The following GALC variants were observed in gnomAD, a reference collection of about 807,000 sequenced individuals.
GALC encodes the protein galactosylceramidase, also known as galactocerebrosidase.
GALC carries 77 observed loss-of-function variants against 91.8 expected under a neutral mutation model. The observed-to-expected ratio is 0.84, with a 90% confidence interval of 0.70 to 1.01. The LOEUF (loss-of-function observed/expected upper bound fraction) is 1.01. GALC is among the 50% of genes least tolerant of loss of function. The pLI is 0.00. For synonymous variants in GALC, 357 were observed against 306.7 expected (o/e 1.16, Z -1.71); for missense variants, 882 against 855.9 (o/e 1.03, Z -0.38).
intron 5 of GALC, among the ~76,000 whole-genome samples, chr14:87,983,994 A>T (rs2139748032): frequency 6.6e-6 from 1 of 152,300 alleles, no homozygotes; most frequent in Middle Eastern, 3.4e-3. Flanking sequence ...CTTTAATAAA[A>T]AGTTTGCCAA....
At chr14:87,960,282 A>G (rs8014856) in intron 10 of GALC, among the ~76,000 whole-genome samples, 11,778 of 152,182 alleles carry the variant, frequency 0.077, 542 homozygotes, top group African/African-American at 0.1. Context: ...GGACAGGAAG[A>G]GGTCGGTCAA....
At position 87,985,741 on chromosome 14, in the gene GALC, T is replaced by C. The variant is rs144847034; in HGVS notation, c.442+748A>G. On this transcript the variant is annotated intron_variant, in intron 4 of 16. Transcript: ENST00000261304. Reference sequence around the variant, plus strand: ...TTGAATTTAAGCCTGTTTCAAAAAATCAAATTCATTTCAAATGATGAAAGT... The same window carrying C: ...TTGAATTTAAGCCTGTTTCAAAAAACCAAATTCATTTCAAATGATGAAAGT... Among the ~76,000 whole-genome samples the C allele has an allele frequency of 1.2e-3, 179 of 152,336 alleles. 1 individual carries two copies. The highest frequency in any genetic ancestry group is 4.2e-3 in the African/African-American group (173 of 41,584).
intron 6 of GALC, among the ~76,000 whole-genome samples, chr14:87,981,856 GA>G (rs1248792637): frequency 6.6e-6 from 1 of 151,798 alleles, no homozygotes; most frequent in African/African-American, 2.4e-5. Context: ...AAAAGACAAA[GA>G]AAAAAAGCTA....
intron 12 of GALC, 114 bp downstream of exon 12, chr14:87,949,731 T>C: frequency 1.5e-6 from 1 of 648,780 alleles, no homozygotes; most frequent in South Asian, 1.8e-5. Flanking sequence ...GCTAAACACA[T>C]CTATAAACAC....
chr14:87,969,280 CA>C (rs1886184286), intron 7 of GALC, among the ~76,000 whole-genome samples: 1 of 152,126 alleles, frequency 6.6e-6, no homozygotes, highest in Non-Finnish European at 1.5e-5. Flanking sequence ...CTACAATGCA[CA>C]GGACCAACCC....
At chr14:87,935,290 T>A (rs1236193520) in intron 16 of GALC, among the ~76,000 whole-genome samples, 1 of 152,034 alleles carries the variant, frequency 6.6e-6, no homozygotes, top group Non-Finnish European at 1.5e-5. Context: ...ACTGCTGGAG[T>A]CAAAACATCT....
intron 10 of GALC, chr14:87,954,146 A>G (rs1258911833): frequency 6.2e-7 from 1 of 1,605,964 alleles, no homozygotes; most frequent in African/African-American, 1.3e-5. Context: ...GTGATGTTGT[A>G]CTTCAAGACC....
intron 10 of GALC, among the ~76,000 whole-genome samples, chr14:87,955,467 C>A (rs1885494346): frequency 6.6e-6 from 1 of 151,934 alleles, no homozygotes; most frequent in African/African-American, 2.4e-5. Flanking sequence ...AAAGGTTTGC[C>A]CATTTGTTCA....
chr14:87,981,489 C>A, intron 6 of GALC: 1 of 187,688 alleles, frequency 5.3e-6, no homozygotes, highest in Non-Finnish European at 1.1e-5. Flanking sequence ...TTTTTGAAAA[C>A]TTGAAATAAA....
intron 13 of GALC, among the ~76,000 whole-genome samples, chr14:87,946,803 G>A (rs1885091253): frequency 1.3e-5 from 2 of 151,870 alleles, no homozygotes; most frequent in South Asian, 2.1e-4. Context: ...AAACCACCAA[G>A]CTCCCCCTGA....
At position 87,992,962 on chromosome 14, in the gene GALC, C is replaced by T. The variant is rs760606529; in HGVS notation, c.195+8G>A. ...GCCCCCCGCGTATCCCCGCAGCTTGCCGCTCACCCCGCCGCCGCTGACCGC... is the reference window on the plus strand; with the variant it reads ...GCCCCCCGCGTATCCCCGCAGCTTGTCGCTCACCCCGCCGCCGCTGACCGC... On this transcript the variant is annotated splice_region_variant and intron_variant, in intron 1 of 16. Transcript: ENST00000261304. The T allele has an allele frequency of 5.4e-5, 81 of 1,513,574 alleles. 1 individual carries two copies. The African/African-American group carries it at 9.1e-4, about 17-fold the overall frequency. 93.8% of individuals were successfully genotyped at this position (1,513,574 alleles called of 1,614,324 possible). A position where few individuals can be genotyped will look rare whatever the true frequency, so the allele number is the denominator to read the frequency against.
intron 8 of GALC, among the ~76,000 whole-genome samples, chr14:87,967,129 AATG>A (rs1474231952): frequency 6.6e-6 from 1 of 152,342 alleles, no homozygotes; most frequent in Admixed American, 6.5e-5. Context: ...ATGCATTAAA[AATG>A]ATGAAGTAGA....
intron 7 of GALC, among the ~76,000 whole-genome samples, chr14:87,972,011 G>A (rs1195563780): frequency 6.6e-6 from 1 of 152,138 alleles, no homozygotes; most frequent in African/African-American, 2.4e-5. Flanking sequence ...AAAATCTGCA[G>A]ATATAGCACA....
intron 16 of GALC, 43 bp from the exon 17 acceptor site, chr14:87,934,921 G>A (rs1884506250): frequency 6.9e-7 from 1 of 1,452,184 alleles, no homozygotes. Context: ...ATATGAAAAT[G>A]GTCCTCTGAA....
intron 10 of GALC, 103 bp from the exon 11 acceptor site, chr14:87,950,851 T>C (rs1165584101): frequency 1.2e-5 from 8 of 682,652 alleles, no homozygotes; most frequent in South Asian, 5.1e-5. Context: ...AATTTACATA[T>C]ACTAGATAAC....
At chr14:87,962,427 C>T (rs1024718821) in intron 10 of GALC, among the ~76,000 whole-genome samples, 11 of 151,996 alleles carry the variant, frequency 7.2e-5, no homozygotes, top group African/African-American at 2.2e-4. Flanking sequence ...TTAATAGACA[C>T]CTTTGGTTTG....
chr14:87,992,580 G>T, intron 1 of GALC: 1 of 1,481,948 alleles, frequency 6.7e-7, no homozygotes, highest in Non-Finnish European at 8.9e-7. Context: ...GGACGCTCCC[G>T]CACTCCCTGG....
At chr14:87,989,314 G>A (rs1319944825) in intron 1 of GALC, among the ~76,000 whole-genome samples, 1 of 152,072 alleles carries the variant, frequency 6.6e-6, no homozygotes, top group Non-Finnish European at 1.5e-5. Context: ...ATACTTTTAT[G>A]GGGTTCAACT....
At chr14:87,955,956 T>G (rs747641805) in intron 10 of GALC, among the ~76,000 whole-genome samples, 6 of 151,398 alleles carry the variant, frequency 4.0e-5, no homozygotes, top group Non-Finnish European at 5.9e-5. Context: ...GAAAATAAAT[T>G]TATGATGAAA....
Sources: gnomAD v4.1 joint callset for allele counts (sites outside exome capture counted in the v4.1 genomes callset) on GRCh38, gnomAD v4.1.1 for gene constraint, MANE v1.5 for transcripts, NCBI Gene and HGNC (gene_info 2026-07-23, HGNC 2026-07-21) for gene names.